Variants in CNTNAP2 observed in about 807,000 individuals in gnomAD.
CNTNAP2 encodes the protein contactin-associated protein-like 2.
In CNTNAP2, 98 loss-of-function variants were observed where a neutral mutation model predicts 155.2. The observed-to-expected ratio is 0.63, with a 90% CI of 0.54 to 0.75. The LOEUF is 0.75. Among genes scored for constraint, CNTNAP2 ranks in the 30% least tolerant of loss-of-function variants. The pLI is 0.00. For missense variants in CNTNAP2, 1,727 were observed against 1,688.1 expected (o/e 1.02, Z -0.40); for synonymous variants, 651 against 631.2 (o/e 1.03, Z -0.47).
rs147572233 is a variant in CNTNAP2 at position 146,520,877 on chromosome 7, G to A, written c.98-253394G>A. Among the ~76,000 whole-genome samples the A allele has an allele frequency of 3.8e-3, 570 of 151,968 alleles. 3 individuals are homozygous for A. Among genetic ancestry groups the A allele is most frequent in the African/African-American group, 0.01 (428 of 41,518 alleles). On this transcript the variant is annotated intron_variant, in intron 1 of 23. Coordinates refer to ENST00000361727, the MANE Select transcript of CNTNAP2 (RefSeq NM_014141.6). ...TAATGTAAAAAGTAGACAATGCTGA[G>A]CTCCGCAGTTTTTGTGCAGTTTCCA...
At chr7:148,232,562 C>T (rs972145705) in intron 20 of CNTNAP2, among the ~76,000 whole-genome samples, 3 of 152,204 alleles carry the variant, frequency 2.0e-5, no homozygotes, top group African/African-American at 7.2e-5. Flanking sequence ...CATATATTCT[C>T]AACCTATTCT....
At chr7:147,401,475 T>C (rs1796910914) in intron 10 of CNTNAP2, among the ~76,000 whole-genome samples, 2 of 152,118 alleles carry the variant, frequency 1.3e-5, no homozygotes, top group African/African-American at 4.8e-5. Flanking sequence ...AATAAGTAAA[T>C]GAATTTTCAT....
chr7:146,561,500 G>GA (rs536118945), intron 1 of CNTNAP2, among the ~76,000 whole-genome samples: 185 of 151,174 alleles, frequency 1.2e-3, no homozygotes, highest in African/African-American at 3.8e-3. Flanking sequence ...CCATTTTTTA[G>GA]AAAAAAAAAT....
chr7:148,326,599 G>A (rs1797891967), intron 21 of CNTNAP2, among the ~76,000 whole-genome samples: 1 of 152,088 alleles, frequency 6.6e-6, no homozygotes, highest in Non-Finnish European at 1.5e-5. Flanking sequence ...GGGCATGGTG[G>A]CTCACGCCTG....
chr7:147,305,691 G>T (rs1206285708), intron 9 of CNTNAP2, among the ~76,000 whole-genome samples: 3 of 152,128 alleles, frequency 2.0e-5, no homozygotes, highest in African/African-American at 7.2e-5. Flanking sequence ...TGTGCAAATT[G>T]AATCCTAAAC....
At chr7:147,011,444 A>ATG (rs1554424732) in intron 3 of CNTNAP2, among the ~76,000 whole-genome samples, 1 of 127,772 alleles carries the variant, frequency 7.8e-6, no homozygotes, top group Non-Finnish European at 1.7e-5. Context: ...AAAAAAAAAA[A>ATG]GGAACAAGGT....
chr7:146,363,165 A>T (rs1350944339), intron 1 of CNTNAP2, among the ~76,000 whole-genome samples: 1 of 152,166 alleles, frequency 6.6e-6, no homozygotes, highest in Non-Finnish European at 1.5e-5. Flanking sequence ...ATCAACATGT[A>T]CTAATTTTTT....
At chr7:148,372,793 CT>C (rs1798913028) in intron 21 of CNTNAP2, among the ~76,000 whole-genome samples, 2 of 152,268 alleles carry the variant, frequency 1.3e-5, no homozygotes, top group South Asian at 2.1e-4. Context: ...TGTTTTCAAA[CT>C]TTTTCACTTT....
chr7:147,847,864 T>C (rs1246688604), intron 13 of CNTNAP2, among the ~76,000 whole-genome samples: 2 of 105,434 alleles, frequency 1.9e-5, no homozygotes, highest in Non-Finnish European at 3.8e-5. Context: ...CCGTGTGAGG[T>C]GTCAGTGTGC....
intron 3 of CNTNAP2, among the ~76,000 whole-genome samples, chr7:146,977,881 TA>T (rs1374994336): frequency 1.5e-4 from 23 of 152,068 alleles, no homozygotes; most frequent in African/African-American, 5.6e-4. Flanking sequence ...GATAAGTAAA[TA>T]AAACTCCACT....
intron 3 of CNTNAP2, among the ~76,000 whole-genome samples, chr7:146,970,847 G>A (rs1797776053): frequency 1.3e-5 from 2 of 152,102 alleles, no homozygotes; most frequent in African/African-American, 2.4e-5. Context: ...TTAAGAAAAT[G>A]TGGCACATAT....
chr7:146,435,819 A>G (rs1796235310), intron 1 of CNTNAP2, among the ~76,000 whole-genome samples: 1 of 152,184 alleles, frequency 6.6e-6, no homozygotes, highest in Non-Finnish European at 1.5e-5. Context: ...GCTATCATAT[A>G]TTTTAAAGAG....
chr7:146,743,997 C>A (rs371341491), intron 1 of CNTNAP2, among the ~76,000 whole-genome samples: 181 of 151,948 alleles, frequency 1.2e-3, no homozygotes, highest in African/African-American at 4.1e-3. Flanking sequence ...GAGGCTGAAG[C>A]GGGCAGATCA....
intron 8 of CNTNAP2, among the ~76,000 whole-genome samples, chr7:147,234,723 G>T (rs1183500569): frequency 6.6e-6 from 1 of 152,074 alleles, no homozygotes; most frequent in Non-Finnish European, 1.5e-5. Flanking sequence ...CCTCAGCCTG[G>T]GAGATTGCTG....
chr7:148,331,698 G>A (rs111584974), intron 21 of CNTNAP2, among the ~76,000 whole-genome samples: 22 of 144,006 alleles, frequency 1.5e-4, no homozygotes, highest in South Asian at 7.3e-4. Context: ...GACGGATGGA[G>A]TGGATGGATG....
intron 1 of CNTNAP2, among the ~76,000 whole-genome samples, chr7:146,472,181 C>T (rs1563097106): frequency 6.6e-6 from 1 of 152,168 alleles, no homozygotes; most frequent in African/African-American, 2.4e-5. Context: ...GATATGACTA[C>T]ACAGTTCCAC....
At chr7:146,485,504 A>G (rs1376940155) in intron 1 of CNTNAP2, among the ~76,000 whole-genome samples, 1 of 152,182 alleles carries the variant, frequency 6.6e-6, no homozygotes, top group East Asian at 1.9e-4. Flanking sequence ...TTTGACCCAG[A>G]TGGGTCTGAT....
At chr7:146,226,248 A>G (rs1199375640) in intron 1 of CNTNAP2, among the ~76,000 whole-genome samples, 1 of 152,198 alleles carries the variant, frequency 6.6e-6, no homozygotes, top group Non-Finnish European at 1.5e-5. Context: ...ATTATGTGAA[A>G]TAGGAGAAAT....
intron 14 of CNTNAP2, among the ~76,000 whole-genome samples, chr7:147,945,689 TTATA>T (rs10557677): frequency 2.7e-5 from 4 of 148,288 alleles, no homozygotes; most frequent in Admixed American, 1.3e-4. Flanking sequence ...ACAAAAGCCT[TTATA>T]TATATATATA....
Sources: gnomAD v4.1 joint callset for allele counts (sites outside exome capture counted in the v4.1 genomes callset) on GRCh38, gnomAD v4.1.1 for gene constraint, MANE v1.5 for transcripts, NCBI Gene and HGNC (gene_info 2026-07-23, HGNC 2026-07-21) for gene names.